Variants in FMNL2 observed in about 807,000 individuals in gnomAD.
FMNL2 encodes formin-like protein 2.
In FMNL2, 51 loss-of-function variants were observed where a neutral mutation model predicts 130.2. The ratio of observed to expected loss-of-function variants is 0.39; its 90% CI spans 0.31 to 0.49. FMNL2 has a LOEUF of 0.49. Ranked by LOEUF, FMNL2 falls within the 20% of genes least tolerant of loss-of-function variation. The pLI, the probability that FMNL2 is intolerant of heterozygous loss-of-function variation, is 0.85. For synonymous variants in FMNL2, 465 were observed against 467.1 expected, an observed-to-expected ratio of 1.00 and a Z score of 0.06; for missense variants, 977 against 1,316.2, an observed-to-expected ratio of 0.74 and a Z score of 3.99.
intron 1 of FMNL2, among the ~76,000 whole-genome samples, chr2:152,503,524 A>T (rs1236223540): frequency 1.3e-5 from 2 of 152,154 alleles, no homozygotes. Context: ...AAGGAAGTGT[A>T]TACACGGATG....
At chr2:152,358,038 G>A (rs1682934308) in intron 1 of FMNL2, among the ~76,000 whole-genome samples, 1 of 152,180 alleles carries the variant, frequency 6.6e-6, no homozygotes, top group African/African-American at 2.4e-5. Context: ...CTGCCAGTGT[G>A]GCTAGAATAA....
intron 1 of FMNL2, among the ~76,000 whole-genome samples, chr2:152,413,078 A>G (rs116768946): frequency 0.11 from 16,896 of 152,000 alleles, 1,680 homozygotes; most frequent in African/African-American, 0.27. Context: ...TCATCTTAAA[A>G]AGTTAACAGA....
intron 1 of FMNL2, among the ~76,000 whole-genome samples, chr2:152,492,651 T>C (rs6434059): frequency 0.4 from 61,057 of 152,060 alleles, 12,852 homozygotes; most frequent in East Asian, 0.67. Flanking sequence ...AATTAATTAG[T>C]TTTGATTCAA....
intron 1 of FMNL2, among the ~76,000 whole-genome samples, chr2:152,406,349 C>T (rs1391454315): frequency 6.6e-6 from 1 of 152,106 alleles, no homozygotes; most frequent in East Asian, 1.9e-4. Context: ...TGAACTTGAG[C>T]AGACATTAGC....
chr2:152,482,083 G>A (rs1191895059), intron 1 of FMNL2, among the ~76,000 whole-genome samples: 1 of 152,164 alleles, frequency 6.6e-6, no homozygotes, highest in East Asian at 1.9e-4. Context: ...GGACCCAGGA[G>A]GCAGCAGTCT....
At chr2:152,541,417 T>G (rs1694305558) in intron 2 of FMNL2, among the ~76,000 whole-genome samples, 1 of 152,190 alleles carries the variant, frequency 6.6e-6, no homozygotes, top group African/African-American at 2.4e-5. Flanking sequence ...TAGAGCTGAT[T>G]TAAACTTTTT....
intron 1 of FMNL2, among the ~76,000 whole-genome samples, chr2:152,381,158 C>T (rs1684438913): frequency 1.3e-5 from 2 of 152,078 alleles, no homozygotes; most frequent in Non-Finnish European, 2.9e-5. Flanking sequence ...TTTGGTAACA[C>T]CTGACTAATT....
intron 1 of FMNL2, among the ~76,000 whole-genome samples, chr2:152,340,031 A>G (rs1681709622): frequency 6.6e-6 from 1 of 152,004 alleles, no homozygotes; most frequent in Non-Finnish European, 1.5e-5. Flanking sequence ...AAAAGAAAAA[A>G]AAAGATTAGC....
At chr2:152,389,769 T>G (rs568341452) in intron 1 of FMNL2, among the ~76,000 whole-genome samples, 19 of 152,290 alleles carry the variant, frequency 1.2e-4, no homozygotes, top group African/African-American at 4.6e-4. Context: ...TTGTGAACAC[T>G]TTCTTCAGCT....
intron 1 of FMNL2, among the ~76,000 whole-genome samples, chr2:152,367,369 A>G (rs1361548748): frequency 1.3e-5 from 2 of 152,114 alleles, no homozygotes; most frequent in Non-Finnish European, 2.9e-5. Context: ...GACAGTGTTA[A>G]TCTTTGAGTG....
chr2:152,495,653 C>CGAAAAAAAAAAAAAAAA (rs1691467533), intron 1 of FMNL2, among the ~76,000 whole-genome samples: 1 of 48,546 alleles, frequency 2.1e-5, no homozygotes, highest in Non-Finnish European at 3.9e-5. Context: ...TCCGTCTCAC[C>CGAAAAAAAAAAAAAAAA]AAAAAAAAAA....
At chr2:152,600,880 G>C (rs959417928) in intron 9 of FMNL2, among the ~76,000 whole-genome samples, 6 of 152,132 alleles carry the variant, frequency 3.9e-5, no homozygotes, top group Non-Finnish European at 2.9e-5. Flanking sequence ...TGGGGCAAGA[G>C]AGTGGTTTGA....
chr2:152,527,701 C>T (rs1215434892), intron 2 of FMNL2, among the ~76,000 whole-genome samples: 1 of 152,084 alleles, frequency 6.6e-6, no homozygotes, highest in Non-Finnish European at 1.5e-5. Flanking sequence ...ATGTTTCAAT[C>T]AATGTGATAT....
intron 9 of FMNL2, among the ~76,000 whole-genome samples, chr2:152,589,062 T>C (rs1375144491): frequency 6.7e-6 from 1 of 150,010 alleles, no homozygotes; most frequent in Non-Finnish European, 1.5e-5. Context: ...CATTTACTTA[T>C]CACGTCTTCA....
At chr2:152,594,922 A>G (rs188440676) in intron 9 of FMNL2, among the ~76,000 whole-genome samples, 5 of 152,346 alleles carry the variant, frequency 3.3e-5, no homozygotes, top group African/African-American at 1.2e-4. Context: ...CTTATGGTCC[A>G]ACAGTCACTG....
intron 6 of FMNL2, among the ~76,000 whole-genome samples, chr2:152,561,717 G>C (rs912429234): frequency 1.3e-5 from 2 of 152,056 alleles, no homozygotes; most frequent in African/African-American, 2.4e-5. Context: ...GGGATTACAG[G>C]CACCTGCCAC....
intron 4 of FMNL2, among the ~76,000 whole-genome samples, chr2:152,555,672 C>T (rs1579952794): frequency 1.3e-5 from 2 of 152,306 alleles, no homozygotes; most frequent in African/African-American, 4.8e-5. Flanking sequence ...TTTTCCAGCT[C>T]CTAAGCATCT....
intron 1 of FMNL2, among the ~76,000 whole-genome samples, chr2:152,484,362 C>G (rs1321888840): frequency 6.6e-6 from 1 of 151,954 alleles, no homozygotes; most frequent in South Asian, 2.1e-4. Context: ...GATATTGGGC[C>G]AAGTGCAATA....
At chr2:152,358,759 C>T (rs775793131) in intron 1 of FMNL2, among the ~76,000 whole-genome samples, 3 of 152,116 alleles carry the variant, frequency 2.0e-5, no homozygotes, top group Non-Finnish European at 4.4e-5. Context: ...TCAACTATCT[C>T]TTGTCATATT....
Sources: allele counts gnomAD v4.1 joint callset (sites outside exome capture counted in the v4.1 genomes callset), GRCh38; gene constraint gnomAD v4.1.1; transcripts MANE v1.5; gene names NCBI Gene and HGNC (gene_info 2026-07-23, HGNC 2026-07-21).